The following INSC variants were observed in gnomAD, a reference collection of about 807,000 sequenced individuals.
The protein encoded by INSC is protein inscuteable homolog.
Under a neutral mutation model 58.6 loss-of-function variants are expected in INSC, and 67 were observed. The observed-to-expected ratio is 1.14, with a 90% CI of 0.94 to 1.40. The LOEUF is 1.40. INSC is among the 40% of genes most tolerant of loss of function. The pLI, the probability that INSC is intolerant of heterozygous loss-of-function variation, is 0.00. For synonymous variants in INSC, 262 were observed against 276.1 expected (o/e 0.95, Z 0.51); for missense variants, 714 against 692.0 (o/e 1.03, Z -0.36).
chr11:15,264,056 TA>T, the INSC span, among the ~76,000 whole-genome samples: 1 of 148,980 alleles, frequency 6.7e-6, no homozygotes, highest in Non-Finnish European at 1.5e-5. Flanking sequence ...CCCCTTTAGT[TA>T]GATTGGACCC....
intron 2 of INSC, among the ~76,000 whole-genome samples, chr11:15,155,291 A>C (rs1848777629): frequency 6.6e-6 from 1 of 152,154 alleles, no homozygotes; most frequent in African/African-American, 2.4e-5. Context: ...TTTTCCTGGG[A>C]AACTTGAGGG....
chr11:15,237,608 T>G (rs906420548), intron 10 of INSC, among the ~76,000 whole-genome samples: 35 of 152,298 alleles, frequency 2.3e-4, no homozygotes, highest in South Asian at 2.1e-4. Context: ...GCAACTGGTG[T>G]CTACTGGAAG....
In INSC at chr11:15,175,929, G is replaced by C. The variant is rs778024163; in HGVS notation, c.245G>C (p.Trp82Ser). 3.7e-6 allele frequency: 6 copies of C among 1,614,058 alleles called. No individual in the cohort carries two copies. In the South Asian group the frequency reaches 6.6e-5, roughly 18 times the overall value. Residue 82 changes from tryptophan to serine, a missense_variant, in exon 3 of 13, where the codon TGG becomes TCG. Trp to Ser is a radical substitution (Grantham distance 177). Coordinates refer to ENST00000379556, the MANE Select transcript of INSC (RefSeq NM_001042536.3). ...CTGCAGCTGCTGCTCAAACGGGGTT[G>C]GGTCATTAGCACAGAGCTGCGCAGG... ...DPLQLLLKRG[W>S]VISTELRRIG...
intron 7 of INSC, among the ~76,000 whole-genome samples, chr11:15,217,572 G>T (rs923542334): frequency 1.3e-5 from 2 of 152,164 alleles, no homozygotes; most frequent in Non-Finnish European, 2.9e-5. Context: ...ATACTATGGT[G>T]AGCTGGGCTG....
chr11:15,131,311 A>G (rs970436287), intron 1 of INSC, among the ~76,000 whole-genome samples: 2 of 152,060 alleles, frequency 1.3e-5, no homozygotes, highest in Non-Finnish European at 2.9e-5. Flanking sequence ...AAAATATACA[A>G]CTGTATGGGG....
At chr11:15,198,129 T>G (rs1850439084) in intron 6 of INSC, among the ~76,000 whole-genome samples, 1 of 152,178 alleles carries the variant, frequency 6.6e-6, no homozygotes, top group African/African-American at 2.4e-5. Flanking sequence ...CATGAGGATA[T>G]AAGACACTCT....
At chr11:15,137,873 G>A (rs758884152) in intron 1 of INSC, among the ~76,000 whole-genome samples, 6 of 152,098 alleles carry the variant, frequency 3.9e-5, no homozygotes, top group East Asian at 1.9e-4. Context: ...TTGCCTAACC[G>A]TTTGGCACAA....
At chr11:15,242,917 C>CGGA (rs1418573738) in intron 12 of INSC, among the ~76,000 whole-genome samples, 10 of 152,190 alleles carry the variant, frequency 6.6e-5, no homozygotes, top group Non-Finnish European at 1.2e-4. Context: ...CTGCACTTTT[C>CGGA]AACCAGACCA....
At chr11:15,194,451 T>G (rs1011018681) in intron 6 of INSC, among the ~76,000 whole-genome samples, 3 of 152,196 alleles carry the variant, frequency 2.0e-5, no homozygotes, top group Non-Finnish European at 4.4e-5. Flanking sequence ...AATCTTCATT[T>G]TAACAAGCCC....
Position 15,153,511 on chromosome 11 carries a change from G to A in INSC, c.56+4281G>A, listed in dbSNP as rs192267980. On this transcript the variant is annotated intron_variant, in intron 2 of 12. Coordinates refer to ENST00000379556, the MANE Select transcript of INSC (RefSeq NM_001042536.3). ...ACATTTTCTATGCTTGTGGTGAGAT[G>A]TGCAGACTGTAATTGTGAATGGGAT... Among the ~76,000 whole-genome samples the A allele has an allele frequency of 1.3e-3, 205 of 152,352 alleles. 2 individuals carry two copies. Among genetic ancestry groups the A allele is most frequent in the Non-Finnish European group, 1.9e-4 (13 of 68,040 alleles).
the INSC span, among the ~76,000 whole-genome samples, chr11:15,253,260 G>A: frequency 2.0e-5 from 3 of 152,188 alleles, no homozygotes; most frequent in Admixed American, 6.5e-5. Context: ...GGAGCAGAAA[G>A]TGTGTAAGTC....
At chr11:15,261,795 A>G in the INSC span, among the ~76,000 whole-genome samples, 2 of 152,166 alleles carry the variant, frequency 1.3e-5, no homozygotes, top group African/African-American at 4.8e-5. Context: ...GCTCTCAGAA[A>G]AGAAATTAGC....
rs573832534 is a variant in INSC, at chr11:15,242,346, G to A, written c.1470+1823G>A. On this transcript the variant is annotated intron_variant, in intron 12 of 12. Coordinates refer to ENST00000379556, the MANE Select transcript of INSC (RefSeq NM_001042536.3). ...TAATCACTTGAAGGACTTTCAAGCC[G>A]AAAAAGGATTATATCTTGTGGATGA... is the stretch of plus-strand genomic sequence containing the variant. Among the ~76,000 whole-genome samples the A allele has an allele frequency of 5.6e-4, 86 of 152,296 alleles. 1 individual carries two copies. Among genetic ancestry groups the A allele is most frequent in the East Asian group, 4.0e-3 (21 of 5,192 alleles).
chr11:15,194,086 G>A (rs1188820451), intron 6 of INSC, among the ~76,000 whole-genome samples: 2 of 152,186 alleles, frequency 1.3e-5, no homozygotes, highest in Non-Finnish European at 2.9e-5. Context: ...TAATTATAAT[G>A]GGAGTTGTAA....
At chr11:15,140,558 C>CT (rs1407082631) in intron 1 of INSC, among the ~76,000 whole-genome samples, 3 of 148,228 alleles carry the variant, frequency 2.0e-5, no homozygotes, top group South Asian at 4.4e-4. Context: ...GTGTCTTATT[C>CT]TTTTTTTTGA....
chr11:15,215,177 C>G (rs558496914), intron 7 of INSC, among the ~76,000 whole-genome samples: 27 of 152,216 alleles, frequency 1.8e-4, no homozygotes, highest in Non-Finnish European at 2.4e-4. Flanking sequence ...GCATGCCCGC[C>G]CATGAGGAAA....
chr11:15,223,274 T>C (rs1376842424), intron 8 of INSC, among the ~76,000 whole-genome samples: 13 of 152,244 alleles, frequency 8.5e-5, no homozygotes. Flanking sequence ...CTTTCACTAT[T>C]GTCATGTATT....
Position 15,175,918 on chromosome 11 carries a change from C to T in INSC, c.234C>T (p.Leu78=), listed in dbSNP as rs369804357. Residue 78 remains leucine (L), a synonymous_variant, in exon 3 of 13, where the codon CTC becomes CTT. Coordinates refer to ENST00000379556, the MANE Select transcript of INSC (RefSeq NM_001042536.3). ...PGPGDPLQLL[L]KRGWVISTEL... ...CTGGAGACCCCCTGCAGCTGCTGCTCAAACGGGGTTGGGTCATTAGCACAG... is the reference window on the plus strand; with the variant it reads ...CTGGAGACCCCCTGCAGCTGCTGCTTAAACGGGGTTGGGTCATTAGCACAG... 2.5e-6 allele frequency: 4 copies of T among 1,614,046 alleles called. No homozygotes were observed. In the African/African-American group the frequency reaches 5.3e-5, roughly 22 times the overall value.
intron 2 of INSC, among the ~76,000 whole-genome samples, chr11:15,174,338 C>G (rs1849503268): frequency 6.6e-6 from 1 of 152,198 alleles, no homozygotes; most frequent in South Asian, 2.1e-4. Flanking sequence ...CCCACCCACC[C>G]CTAGCACTCT....
Sources: gnomAD v4.1 joint callset for allele counts (sites outside exome capture counted in the v4.1 genomes callset) on GRCh38, gnomAD v4.1.1 for gene constraint, MANE v1.5 for transcripts, NCBI Gene and HGNC (gene_info 2026-07-23, HGNC 2026-07-21) for gene names.